The following ARHGEF10L variants were observed in gnomAD, a reference collection of about 807,000 sequenced individuals.
ARHGEF10L encodes Rho guanine nucleotide exchange factor 10 like.
Under a neutral mutation model 141.2 loss-of-function variants are expected in ARHGEF10L, and 69 were observed. The observed-to-expected ratio is 0.49, with a 90% CI of 0.40 to 0.60. ARHGEF10L has a LOEUF of 0.60. Ranked by LOEUF, ARHGEF10L falls within the 20% of genes least tolerant of loss-of-function variation. ARHGEF10L has a pLI of 0.00. For missense variants in ARHGEF10L, 1,482 were observed against 1,734.3 expected (o/e 0.85, Z 2.58); for synonymous variants, 711 against 718.5 (o/e 0.99, Z 0.17).
intron 1 of ARHGEF10L, 94 bp from the exon 2 acceptor site, chr1:17,580,459 G>C: frequency 9.0e-7 from 1 of 1,107,670 alleles, no homozygotes; most frequent in Admixed American, 2.0e-5. Flanking sequence ...GAGCCACTGG[G>C]CTGAAGCACA....
rs1441121355 is a variant in ARHGEF10L, at chr1:17,654,941, G to C, written c.2481+219G>C. 1.3e-5 allele frequency among the ~76,000 whole-genome samples: 2 copies of C among 152,224 alleles called. No individual in the cohort carries two copies. The highest frequency in any genetic ancestry group is 4.8e-5 in the African/African-American group (2 of 41,460). The stretch of plus-strand genomic sequence containing the variant: ...ACAGAAAACCAGGGAGCTAAAAAGA[G>C]AGTGTGCCTTTTGCAAATGGTGACA... On this transcript the variant is annotated intron_variant, in intron 23 of 28. Coordinates refer to ENST00000361221, the MANE Select transcript of ARHGEF10L (RefSeq NM_018125.4). This position sits in a 1 kb window ranked among gnomAD's most constrained non-coding sequence, Gnocchi z 4.3.
chr1:17,563,165 G>A (rs887595988), intron 1 of ARHGEF10L, among the ~76,000 whole-genome samples: 2 of 152,030 alleles, frequency 1.3e-5, no homozygotes, highest in Non-Finnish European at 2.9e-5. Flanking sequence ...TAGAGTGGGG[G>A]GCATTTATGG....
chr1:17,542,335 G>C (rs2489609), intron 1 of ARHGEF10L, among the ~76,000 whole-genome samples: 12,206 of 152,202 alleles, frequency 0.08, 561 homozygotes, highest in African/African-American at 0.11. Flanking sequence ...TGTAGTCCCA[G>C]CTACTCAGGA....
At chr1:17,663,998 G>A (rs2062808910) in intron 25 of ARHGEF10L, among the ~76,000 whole-genome samples, 1 of 152,188 alleles carries the variant, frequency 6.6e-6, no homozygotes, top group Non-Finnish European at 1.5e-5. Flanking sequence ...ATTTGTGCTT[G>A]GCGTGTCATG....
chr1:17,540,751 C>T (rs1037701598), intron 1 of ARHGEF10L, among the ~76,000 whole-genome samples: 27 of 152,206 alleles, frequency 1.8e-4, no homozygotes, highest in African/African-American at 6.3e-4. Flanking sequence ...GTGGGCTGCA[C>T]TTTCCCACTG....
chr1:17,637,472 G>C lies in ARHGEF10L; in HGVS notation c.1928-416G>C, dbSNP rs559652719. ...CAGCTAGTCTGGGCGCTCTGGTCAG[G>C]GTAGGAACTGGATGTTACTTTCTGG... On this transcript the variant is annotated intron_variant, in intron 18 of 28. Coordinates refer to ENST00000361221, the MANE Select transcript of ARHGEF10L (RefSeq NM_018125.4). 5.9e-5 allele frequency among the ~76,000 whole-genome samples: 9 copies of C among 152,142 alleles called. No homozygotes were observed. In the South Asian group the frequency reaches 1.9e-3, roughly 32 times the overall value.
At chr1:17,588,789 C>T (rs1447067005) in intron 4 of ARHGEF10L, among the ~76,000 whole-genome samples, 3 of 149,340 alleles carry the variant, frequency 2.0e-5, no homozygotes, top group Non-Finnish European at 3.0e-5. Flanking sequence ...GAAGGGGAAA[C>T]AATGAGAGCA....
At chr1:17,518,362 G>C in the ARHGEF10L span, among the ~76,000 whole-genome samples, 1 of 152,168 alleles carries the variant, frequency 6.6e-6, no homozygotes, top group Non-Finnish European at 1.5e-5. Flanking sequence ...CCCCATCCTC[G>C]GTTCTCAGGA....
chr1:17,586,523 T>C (rs2079038010), intron 2 of ARHGEF10L, among the ~76,000 whole-genome samples: 1 of 152,296 alleles, frequency 6.6e-6, no homozygotes, highest in East Asian at 1.9e-4. Context: ...AAGGAAGTCT[T>C]CTAGGAAGAG....
upstream of ARHGEF10L, among the ~76,000 whole-genome samples, chr1:17,536,416 G>T (rs2076575940): frequency 6.6e-6 from 1 of 152,176 alleles, no homozygotes; most frequent in African/African-American, 2.4e-5. Context: ...GGCGGAGGTT[G>T]CGGTGAGCTG....
At chr1:17,519,842 CAA>C in the ARHGEF10L span, among the ~76,000 whole-genome samples, 1 of 137,444 alleles carries the variant, frequency 7.3e-6, no homozygotes, top group African/African-American at 2.7e-5. Flanking sequence ...GACTCCATCT[CAA>C]AAAAAAAAAA....
At chr1:17,519,948 A>C in the ARHGEF10L span, among the ~76,000 whole-genome samples, 4 of 152,202 alleles carry the variant, frequency 2.6e-5, no homozygotes, top group African/African-American at 9.7e-5. Context: ...CTGACTTCAA[A>C]GCATATTCCT....
intron 4 of ARHGEF10L, among the ~76,000 whole-genome samples, chr1:17,597,531 C>A (rs1427694635): frequency 1.3e-5 from 2 of 152,286 alleles, no homozygotes; most frequent in African/African-American, 4.8e-5. Context: ...CCTGCTCCCC[C>A]AACTTTATTC....
Position 17,627,296 on chromosome 1 carries a change from G to C in ARHGEF10L, c.1411-34G>C, listed in dbSNP as rs1244012830. The C allele has an allele frequency of 6.2e-7, 1 of 1,603,318 alleles. No individual in the cohort carries two copies. Among genetic ancestry groups the C allele is most frequent in the African/African-American group, 1.3e-5 (1 of 74,792 alleles). Reference sequence around the variant, plus strand: ...CCAGGCTGGGGTAGAGTTGGTCATGGGTGGGCTGCTCAGTCTCTGCTCTGA... The same window carrying C: ...CCAGGCTGGGGTAGAGTTGGTCATGCGTGGGCTGCTCAGTCTCTGCTCTGA... On this transcript the variant is annotated intron_variant, in intron 14 of 28. Transcript: ENST00000361221. The surrounding 1 kb of genome is among the most constrained non-coding windows in gnomAD (Gnocchi z 4.0).
chr1:17,535,873 G>T (rs543411868), upstream of ARHGEF10L, among the ~76,000 whole-genome samples: 6 of 152,294 alleles, frequency 3.9e-5, no homozygotes, highest in East Asian at 1.2e-3. Context: ...CAGGTGCTGG[G>T]GATACCACCC....
chr1:17,697,402 G>T lies in ARHGEF10L; in HGVS notation c.*22G>T, dbSNP rs762967311. ...ATAGCGCCTCCCCTCTCCCCTCAGA[G>T]GGCACAGCTGCAGGCCTGACCAAGG... On this transcript the variant is annotated 3_prime_UTR_variant, in exon 29 of 29. Coordinates refer to ENST00000361221, the MANE Select transcript of ARHGEF10L (RefSeq NM_018125.4). The surrounding 1 kb of genome is among the most constrained non-coding windows in gnomAD (Gnocchi z 4.8). 1 of 1,563,980 alleles carries T rather than the reference G, an allele frequency of 6.4e-7. No homozygotes were observed. Among genetic ancestry groups the T allele is most frequent in the Non-Finnish European group, 8.7e-7 (1 of 1,152,832 alleles).
Position 17,690,423 on chromosome 1 carries a change from A to G in ARHGEF10L, c.3184+2676A>G, listed in dbSNP as rs111446781. ...CCCACAGTCCCCGTCTCAAGCCAGC[A>G]GCGGTCCATGATGGTGACATTTTGC... On this transcript the variant is annotated intron_variant, in intron 27 of 28. Coordinates refer to ENST00000361221, the MANE Select transcript of ARHGEF10L (RefSeq NM_018125.4). 9.5e-3 allele frequency among the ~76,000 whole-genome samples: 1,445 copies of G among 152,362 alleles called. 40 individuals are homozygous for G. Among genetic ancestry groups the G allele is most frequent in the Admixed American group, 0.062 (943 of 15,306 alleles).
intron 14 of ARHGEF10L, among the ~76,000 whole-genome samples, chr1:17,626,978 G>A (rs1036893591): frequency 2.0e-5 from 3 of 152,246 alleles, no homozygotes; most frequent in Non-Finnish European, 2.9e-5. Context: ...GCCATTGTAT[G>A]GAGAGACCAC....
rs1187743017 is a variant in ARHGEF10L at position 17,697,490 on chromosome 1, G to T, written c.*110G>T. ...CTTGTGGATGGGCCTGGACTCTCCA[G>T]AAACTACTTGGGCAGAGCAAAGGAA... On this transcript the variant is annotated 3_prime_UTR_variant, in exon 29 of 29. Transcript: ENST00000361221. The surrounding 1 kb of genome is among the most constrained non-coding windows in gnomAD (Gnocchi z 4.8). 2.3e-6 allele frequency: 3 copies of T among 1,308,052 alleles called. No individual in the cohort carries two copies. In the East Asian group the frequency reaches 7.9e-5, roughly 35 times the overall value. 81.0% of individuals were successfully genotyped at this position (1,308,052 alleles called of 1,614,324 possible). A position where few individuals can be genotyped will look rare whatever the true frequency, so the allele number is the denominator to read the frequency against.
Sources: allele counts gnomAD v4.1 joint callset (sites outside exome capture counted in the v4.1 genomes callset), GRCh38; gene constraint gnomAD v4.1.1; non-coding constraint Gnocchi (gnomAD v3.1); transcripts MANE v1.5; gene names NCBI Gene and HGNC (gene_info 2026-07-23, HGNC 2026-07-21).